TNR: variants seen among roughly 807,000 people sequenced by gnomAD.
TNR encodes the protein tenascin-R.
TNR carries 45 observed loss-of-function variants against 150.4 expected under a neutral mutation model. The ratio of observed to expected loss-of-function variants is 0.30; its 90% CI spans 0.24 to 0.38. The LOEUF is 0.38. Ranked by LOEUF, TNR falls within the 10% of genes least tolerant of loss-of-function variation. The pLI, the probability that TNR is intolerant of heterozygous loss-of-function variation, is 1.00. For missense variants in TNR, 1,544 were observed against 1,759.1 expected, an observed-to-expected ratio of 0.88 and a Z score of 2.19; for synonymous variants, 687 against 678.4, an observed-to-expected ratio of 1.01 and a Z score of -0.20.
chr1:175,470,616 T>C (rs1182433331), intron 2 of TNR, among the ~76,000 whole-genome samples: 2 of 152,168 alleles, frequency 1.3e-5, no homozygotes, highest in East Asian at 3.8e-4. Context: ...GAGAATGGGG[T>C]ATCTATCCCT....
At chr1:175,326,442 T>C (rs1224966632) in intron 21 of TNR, among the ~76,000 whole-genome samples, 1 of 152,018 alleles carries the variant, frequency 6.6e-6, no homozygotes, top group East Asian at 1.9e-4. Context: ...TCTCAGGAGG[T>C]TGACCTTTAT....
chr1:175,426,853 A>ATT, intron 2 of TNR, among the ~76,000 whole-genome samples: 2 of 67,132 alleles, frequency 3.0e-5, no homozygotes, highest in African/African-American at 1.5e-4. Context: ...TATAAAATAT[A>ATT]AATATATATA....
intron 1 of TNR, among the ~76,000 whole-genome samples, chr1:175,529,319 G>C (rs148399371): frequency 1.2e-3 from 189 of 152,340 alleles, no homozygotes; most frequent in African/African-American, 4.3e-3. Context: ...TGAGGTAGAG[G>C]CTTGCTCATC....
chr1:175,552,860 A>G (rs1661000078), intron 1 of TNR, among the ~76,000 whole-genome samples: 1 of 152,184 alleles, frequency 6.6e-6, no homozygotes, highest in Non-Finnish European at 1.5e-5. Flanking sequence ...TCAGGAATTG[A>G]AACATTTGAA....
At chr1:175,417,201 A>G (rs1172379493) in intron 2 of TNR, among the ~76,000 whole-genome samples, 1 of 152,174 alleles carries the variant, frequency 6.6e-6, no homozygotes, top group Admixed American at 6.5e-5. Flanking sequence ...AACATTACTA[A>G]TTTAAAATTA....
In TNR at chr1:175,337,775, A is replaced by T. The variant is rs528513319; in HGVS notation, c.3383-96T>A. The T allele has an allele frequency of 4.4e-6, 6 of 1,364,528 alleles. No homozygotes were observed. The Admixed American group carries it at 6.1e-5, about 14-fold the overall frequency. The allele number at this position is 1,364,528 out of a possible 1,614,324, so 84.5% of individuals were successfully genotyped here. On this transcript the variant is annotated intron_variant, in intron 18 of 22. Transcript: ENST00000367674. The stretch of plus-strand genomic sequence containing the variant: ...AGAAGGTCTTAGCAGGCCTCCTGGT[A>T]CATCATCAACAGCTGTAAGAAATCC...
Position 175,354,425 on chromosome 1 carries a change from C to A in TNR, c.3348G>T (p.Thr1116=), listed in dbSNP as rs201198032. 1 of 1,613,992 alleles carries A rather than the reference C, an allele frequency of 6.2e-7. No individual in the cohort carries two copies. Among genetic ancestry groups the A allele is most frequent in the Non-Finnish European group, 8.5e-7 (1 of 1,179,984 alleles). ...TVLLQAAQDT[T]WSSITSTAFT... ...AAGCGGTGGAGGTGATGCTGCTCCA[C>A]GTGGTGTCCTGTGCTGCCTGCAGGA... The change falls in exon 18 of 23, where the codon ACG becomes ACT. Residue 1116 remains threonine (T), a synonymous_variant. Transcript: ENST00000367674.
At chr1:175,361,129 A>G (rs1375178194) in intron 14 of TNR, among the ~76,000 whole-genome samples, 1 of 152,112 alleles carries the variant, frequency 6.6e-6, no homozygotes, top group Non-Finnish European at 1.5e-5. Context: ...TGGCATGATC[A>G]TGGCTCACTG....
intron 9 of TNR, among the ~76,000 whole-genome samples, chr1:175,370,212 T>A (rs1376105183): frequency 6.6e-6 from 1 of 152,112 alleles, no homozygotes. Context: ...AAAAACAGCA[T>A]CTATATCAGA....
intron 2 of TNR, among the ~76,000 whole-genome samples, chr1:175,426,925 AT>A (rs1478321911): frequency 1.2e-5 from 1 of 86,704 alleles, no homozygotes; most frequent in Non-Finnish European, 2.3e-5. Flanking sequence ...TAAAATATAA[AT>A]ATATATAAAA....
At chr1:175,514,389 A>G (rs1200395788) in intron 2 of TNR, among the ~76,000 whole-genome samples, 1 of 152,230 alleles carries the variant, frequency 6.6e-6, no homozygotes, top group Non-Finnish European at 1.5e-5. Context: ...CAGCCCTGCC[A>G]ACACCTTGGC....
rs536283986 is a variant in TNR at position 175,638,018 on chromosome 1, T to C, written c.-165+105208A>G. Reference sequence around the variant, plus strand: ...CTCATGGATTTCCCAGGTTCCTCCATTACTTGACAAGCTGCATAGAAGCAT... The same window carrying C: ...CTCATGGATTTCCCAGGTTCCTCCACTACTTGACAAGCTGCATAGAAGCAT... On this transcript the variant is annotated intron_variant, in intron 1 of 22. Transcript: ENST00000367674. 5.9e-5 allele frequency among the ~76,000 whole-genome samples: 9 copies of C among 152,238 alleles called. No homozygotes were observed. In the East Asian group the frequency reaches 1.7e-3, roughly 29 times the overall value.
Position 175,553,883 on chromosome 1 carries a change from C to G in TNR, c.-164-25514G>C, listed in dbSNP as rs190498705. 5.9e-4 allele frequency among the ~76,000 whole-genome samples: 89 copies of G among 149,774 alleles called. 2 individuals are homozygous for G. In the East Asian group the frequency reaches 0.017, roughly 28 times the overall value. The stretch of plus-strand genomic sequence containing the variant: ...TACCCAATTCTGGAAAAACAGGATT[C>G]AAAATGCACCAATGGAAATACTGTC... On this transcript the variant is annotated intron_variant, in intron 1 of 22. Coordinates refer to ENST00000367674, the MANE Select transcript of TNR (RefSeq NM_003285.3).
Position 175,567,688 on chromosome 1 carries a change from G to A in TNR, c.-164-39319C>T, listed in dbSNP as rs147545013. ...GAACCTGGGACCTCTGCCCCTGTATGCCCTGCACAAGCCCCTCCCTGCTCT... is the reference window on the plus strand; with the variant it reads ...GAACCTGGGACCTCTGCCCCTGTATACCCTGCACAAGCCCCTCCCTGCTCT... On this transcript the variant is annotated intron_variant, in intron 1 of 22. Coordinates refer to ENST00000367674, the MANE Select transcript of TNR (RefSeq NM_003285.3). Among the ~76,000 whole-genome samples, 422 of 152,234 alleles carry A rather than the reference G, an allele frequency of 2.8e-3. 3 individuals are homozygous for A. Among genetic ancestry groups the A allele is most frequent in the Non-Finnish European group, 5.0e-3 (339 of 68,012 alleles).
At chr1:175,326,215 G>A (rs1649382226) in intron 21 of TNR, among the ~76,000 whole-genome samples, 1 of 152,124 alleles carries the variant, frequency 6.6e-6, no homozygotes, top group South Asian at 2.1e-4. Context: ...GGATCAGACT[G>A]TAATTAAATT....
At position 175,685,769 on chromosome 1, in the gene TNR, C is replaced by A. The variant is rs186948810; in HGVS notation, c.-165+57457G>T. On this transcript the variant is annotated intron_variant, in intron 1 of 22. Coordinates refer to ENST00000367674, the MANE Select transcript of TNR (RefSeq NM_003285.3). ...CCAAATCATCCCCCCAAACATCTCC[C>A]TCTGCAAAATCCCATAATTATTTCA... Among the ~76,000 whole-genome samples, 203 of 152,260 alleles carry A rather than the reference C, an allele frequency of 1.3e-3. 1 individual carries two copies. The highest frequency in any genetic ancestry group is 2.9e-3 in the South Asian group (14 of 4,818).
At chr1:175,733,562 A>G (rs1476443318) in intron 1 of TNR, among the ~76,000 whole-genome samples, 1 of 152,166 alleles carries the variant, frequency 6.6e-6, no homozygotes, top group Non-Finnish European at 1.5e-5. Context: ...CACAAACGAA[A>G]AAAAGGGGTA....
intron 1 of TNR, among the ~76,000 whole-genome samples, chr1:175,736,954 G>A (rs561150379): frequency 6.6e-6 from 1 of 152,144 alleles, no homozygotes; most frequent in African/African-American, 2.4e-5. Context: ...CCAGGAGGTA[G>A]AGTCTATGGT....
chr1:175,417,045 A>AAGAC (rs1654512109), intron 2 of TNR, among the ~76,000 whole-genome samples: 1 of 101,972 alleles, frequency 9.8e-6, no homozygotes, highest in Admixed American at 1.0e-4. Context: ...GAAAGAAAGA[A>AAGAC]AGAAAGAAAG....
Sources: allele counts gnomAD v4.1 joint callset (sites outside exome capture counted in the v4.1 genomes callset), GRCh38; gene constraint gnomAD v4.1.1; transcripts MANE v1.5; gene names NCBI Gene and HGNC (gene_info 2026-07-23, HGNC 2026-07-21).